Variants in CDYL2 observed in about 807,000 individuals in gnomAD.
CDYL2 encodes chromodomain Y-like protein 2.
CDYL2 carries 23 observed loss-of-function variants against 49.4 expected under a neutral mutation model. The observed-to-expected ratio is 0.47, with a 90% CI of 0.34 to 0.66. The LOEUF (loss-of-function observed/expected upper bound fraction) is 0.66. CDYL2 is among the 30% of genes least tolerant of loss of function. The probability of loss-of-function intolerance (pLI) is 0.01; values close to 1 mark genes in which losing one functional copy is unlikely to be tolerated. For synonymous variants in CDYL2, 360 were observed against 268.8 expected, an observed-to-expected ratio of 1.34 and a Z score of -3.32; for missense variants, 678 against 656.4, an observed-to-expected ratio of 1.03 and a Z score of -0.36.
intron 1 of CDYL2, among the ~76,000 whole-genome samples, chr16:80,800,048 C>T (rs1399759147): frequency 6.6e-6 from 1 of 152,182 alleles, no homozygotes; most frequent in Admixed American, 6.5e-5. Flanking sequence ...CTTGTTTATA[C>T]TTTGCAGCAA....
chr16:80,766,612 C>T (rs1032922169), intron 1 of CDYL2, among the ~76,000 whole-genome samples: 1 of 152,144 alleles, frequency 6.6e-6, no homozygotes, highest in African/African-American at 2.4e-5. Flanking sequence ...ACTCAACTCC[C>T]TTTACAAATG....
rs535431757 is a variant in CDYL2 at position 80,740,035 on chromosome 16, G to C, written c.25-54906C>G. ...GTGGAGGGTGGTGGGTGCCAGAGGA[G>C]GGGACGGGTGCAGAGAGAAATTACA... On this transcript the variant is annotated intron_variant, in intron 1 of 6. Transcript: ENST00000570137. 2.6e-4 allele frequency among the ~76,000 whole-genome samples: 40 copies of C among 152,286 alleles called. No homozygotes were observed. In the South Asian group the frequency reaches 8.1e-3, roughly 31 times the overall value.
chr16:80,756,162 A>G (rs1213244297), intron 1 of CDYL2, among the ~76,000 whole-genome samples: 7 of 152,192 alleles, frequency 4.6e-5, no homozygotes, highest in Non-Finnish European at 1.5e-5. Context: ...TTGAGAAGTT[A>G]AAAAGAGAAC....
At position 80,629,733 on chromosome 16, in the gene CDYL2, C is replaced by G. The variant is rs534741271; in HGVS notation, c.834+3286G>C. Reference sequence around the variant, plus strand: ...ATGAATTTCTGCCCATGAGGCCAATCCAACCAATGTTACACATACAACTAG... The same window carrying G: ...ATGAATTTCTGCCCATGAGGCCAATGCAACCAATGTTACACATACAACTAG... On this transcript the variant is annotated intron_variant, in intron 3 of 6. Coordinates refer to ENST00000570137, the MANE Select transcript of CDYL2 (RefSeq NM_152342.4). 3.3e-5 allele frequency among the ~76,000 whole-genome samples: 5 copies of G among 152,330 alleles called. No individual in the cohort carries two copies. The East Asian group carries it at 7.7e-4, about 24-fold the overall frequency.
At chr16:80,692,720 G>A (rs1335471890) in intron 1 of CDYL2, among the ~76,000 whole-genome samples, 2 of 152,190 alleles carry the variant, frequency 1.3e-5, no homozygotes, top group Non-Finnish European at 2.9e-5. Context: ...ATTTTTAAAT[G>A]CCAAGTTAAG....
At position 80,734,655 on chromosome 16, in the gene CDYL2, G is replaced by A. The variant is rs116616499; in HGVS notation, c.25-49526C>T. On this transcript the variant is annotated intron_variant, in intron 1 of 6. Coordinates refer to ENST00000570137, the MANE Select transcript of CDYL2 (RefSeq NM_152342.4). Reference sequence around the variant, plus strand: ...ACTTACTCATTCAAGGGGGTTTACTGCATAAGCACCCACTATGTGAAAGAC... The same window carrying A: ...ACTTACTCATTCAAGGGGGTTTACTACATAAGCACCCACTATGTGAAAGAC... Among the ~76,000 whole-genome samples the A allele has an allele frequency of 7.8e-3, 1,191 of 152,228 alleles. 12 individuals are homozygous for A. The highest frequency in any genetic ancestry group is 0.027 in the African/African-American group (1,102 of 41,540).
At chr16:80,690,186 G>C (rs1291781731) in intron 1 of CDYL2, among the ~76,000 whole-genome samples, 2 of 152,012 alleles carry the variant, frequency 1.3e-5, no homozygotes, top group Admixed American at 6.5e-5. Context: ...ATGGCAAAGA[G>C]GAAGGTGCTG....
rs1304988834 is a variant in CDYL2, at chr16:80,599,386, G to A, written c.*5002C>T. 1 of 152,170 alleles carries A rather than the reference G, an allele frequency of 6.6e-6. No individual in the cohort carries two copies. Among genetic ancestry groups the A allele is most frequent in the Non-Finnish European group, 1.5e-5 (1 of 68,030 alleles). 9.4% of individuals were successfully genotyped at this position (152,170 alleles called of 1,614,324 possible). ...AATTTCTTTTTAAGTCTAAATTCTA[G>A]TTGGTTTTATTAAACCCCAAAAACA... On this transcript the variant is annotated 3_prime_UTR_variant, in exon 7 of 7. Coordinates refer to ENST00000570137, the MANE Select transcript of CDYL2 (RefSeq NM_152342.4).
chr16:80,679,706 C>T, intron 2 of CDYL2: 1 of 456,112 alleles, frequency 2.2e-6, no homozygotes, highest in Non-Finnish European at 4.4e-6. Context: ...GTGCAGAGCA[C>T]AAGCACTTCA....
intron 1 of CDYL2, among the ~76,000 whole-genome samples, chr16:80,746,719 G>C (rs1351644815): frequency 6.6e-6 from 1 of 152,094 alleles, no homozygotes; most frequent in Non-Finnish European, 1.5e-5. Flanking sequence ...GTGGGGCAGG[G>C]GGAGGGACAC....
At chr16:80,751,003 G>C (rs1432385871) in intron 1 of CDYL2, among the ~76,000 whole-genome samples, 2 of 148,044 alleles carry the variant, frequency 1.4e-5, no homozygotes, top group South Asian at 2.2e-4. Context: ...CTGGGCGACA[G>C]AGTGAGATTC....
intron 6 of CDYL2, 122 bp downstream of exon 6, chr16:80,607,970 G>A: frequency 8.7e-7 from 1 of 1,147,338 alleles, no homozygotes; most frequent in South Asian, 1.7e-5. Flanking sequence ...AATTGCAAAG[G>A]GTCTTTTGCT....
intron 2 of CDYL2, among the ~76,000 whole-genome samples, chr16:80,654,150 C>G (rs1371074830): frequency 6.6e-6 from 1 of 152,232 alleles, no homozygotes; most frequent in East Asian, 1.9e-4. Context: ...GAGACGCAGA[C>G]AGGCACTGAC....
At chr16:80,741,277 G>A (rs1905726670) in intron 1 of CDYL2, among the ~76,000 whole-genome samples, 2 of 151,124 alleles carry the variant, frequency 1.3e-5, no homozygotes, top group African/African-American at 2.4e-5. Context: ...GTTAAGTAAA[G>A]GGAAATTATA....
At chr16:80,755,180 T>C (rs1363775178) in intron 1 of CDYL2, among the ~76,000 whole-genome samples, 2 of 152,184 alleles carry the variant, frequency 1.3e-5, no homozygotes, top group Non-Finnish European at 2.9e-5. Context: ...GACATGTCCA[T>C]CCTGGTTACT....
At chr16:80,775,095 T>C (rs1907037684) in intron 1 of CDYL2, among the ~76,000 whole-genome samples, 1 of 151,922 alleles carries the variant, frequency 6.6e-6, no homozygotes, top group Admixed American at 6.6e-5. Context: ...CATAATTACA[T>C]ATGTTCAGGA....
chr16:80,749,260 G>A (rs374616143), intron 1 of CDYL2, among the ~76,000 whole-genome samples: 1 of 152,038 alleles, frequency 6.6e-6, no homozygotes, highest in East Asian at 1.9e-4. Flanking sequence ...CTTATTTAGG[G>A]CAGTTAATCA....
At chr16:80,671,266 T>A (rs141908406) in intron 2 of CDYL2, among the ~76,000 whole-genome samples, 86 of 152,268 alleles carry the variant, frequency 5.6e-4, no homozygotes, top group African/African-American at 1.9e-3. Context: ...GGTACAGAGT[T>A]ACGGACAAGC....
intron 1 of CDYL2, among the ~76,000 whole-genome samples, chr16:80,711,239 C>A (rs1904584960): frequency 6.6e-6 from 1 of 152,200 alleles, no homozygotes; most frequent in Admixed American, 6.5e-5. Context: ...AGATGGCCAA[C>A]AAGAAGTGGG....
Sources: allele counts gnomAD v4.1 joint callset (sites outside exome capture counted in the v4.1 genomes callset), GRCh38; gene constraint gnomAD v4.1.1; transcripts MANE v1.5; gene names NCBI Gene and HGNC (gene_info 2026-07-23, HGNC 2026-07-21).